Variants in HPSE observed in about 807,000 individuals in gnomAD.
The protein encoded by HPSE is endo-glucoronidase.
HPSE carries 48 observed loss-of-function variants against 65.1 expected under a neutral mutation model. That is an observed-to-expected ratio of 0.74 (90% CI 0.58 to 0.94). HPSE has a LOEUF of 0.94. Ranked by LOEUF, HPSE falls within the 40% of genes least tolerant of loss-of-function variation. The pLI, the probability that HPSE is intolerant of heterozygous loss-of-function variation, is 0.00. For synonymous variants in HPSE, 243 were observed against 260.0 expected (o/e 0.93, Z 0.63); for missense variants, 644 against 637.5 (o/e 1.01, Z -0.11).
chr4:83,293,470 G>A lies in HPSE; in HGVS notation c.*1874C>T, dbSNP rs1358510066. ...AGAGCTGGGAAGAACCCAGATCCCT[G>A]GTGACGTACTGAAGTGCTGGAGCCT... is the stretch of plus-strand genomic sequence containing the variant. On this transcript the variant is annotated 3_prime_UTR_variant, in exon 12 of 12. Transcript: ENST00000311412. 6.6e-6 allele frequency: 1 copy of A among 152,194 alleles called. No individual in the cohort carries two copies. Among genetic ancestry groups the A allele is most frequent in the East Asian group, 1.9e-4 (1 of 5,204 alleles). The allele number at this position is 152,194 out of a possible 1,614,324, so 9.4% of individuals were successfully genotyped here. A position where few individuals can be genotyped will look rare whatever the true frequency, so the allele number is the denominator to read the frequency against.
intron 4 of HPSE, among the ~76,000 whole-genome samples, chr4:83,311,187 T>C (rs1578012826): frequency 6.6e-6 from 1 of 151,748 alleles, no homozygotes; most frequent in Non-Finnish European, 1.5e-5. Context: ...TGCATGCCTG[T>C]AGTCTCAGCT....
At chr4:83,300,814 C>CAAA (rs746396316) in intron 11 of HPSE, 146 bp downstream of exon 11, 101 of 8,422 alleles carry the variant, frequency 0.012, 27 homozygotes, top group African/African-American at 0.017. Flanking sequence ...GACTCCGTCT[C>CAAA]AAAAAAAAAA....
intron 1 of HPSE, among the ~76,000 whole-genome samples, chr4:83,329,771 A>G (rs985316162): frequency 4.6e-5 from 7 of 152,182 alleles, no homozygotes; most frequent in African/African-American, 1.7e-4. Flanking sequence ...GAGACAGTTT[A>G]TCTAGGTGAC....
At chr4:83,299,618 C>T (rs1292088661) in intron 11 of HPSE, among the ~76,000 whole-genome samples, 1 of 151,990 alleles carries the variant, frequency 6.6e-6, no homozygotes, top group Admixed American at 6.6e-5. Flanking sequence ...CCTCAGGTTC[C>T]GAGGCTAATA....
chr4:83,334,788 G>C lies in HPSE; in HGVS notation c.-6C>G. On this transcript the variant is annotated 5_prime_UTR_variant, in exon 1 of 12. Transcript: ENST00000311412. ...GGCTTCGAGCGCAGCAGCATCTTGG[G>C]CTCACCTGGCTGCTCCCCCCGCCAG... The C allele has an allele frequency of 6.6e-7, 1 of 1,517,854 alleles. No homozygotes were observed. Among genetic ancestry groups the C allele is most frequent in the Non-Finnish European group, 8.8e-7 (1 of 1,131,438 alleles). 94.0% of individuals were successfully genotyped at this position (1,517,854 alleles called of 1,614,324 possible). A position where few individuals can be genotyped will look rare whatever the true frequency, so the allele number is the denominator to read the frequency against.
At chr4:83,325,249 T>C (rs1370518928) in intron 1 of HPSE, among the ~76,000 whole-genome samples, 1 of 151,614 alleles carries the variant, frequency 6.6e-6, no homozygotes, top group African/African-American at 2.4e-5. Context: ...CACTGCCACC[T>C]CTGCCTCCTG....
intron 3 of HPSE, among the ~76,000 whole-genome samples, chr4:83,313,509 T>G (rs867199729): frequency 1.1e-4 from 16 of 152,296 alleles, no homozygotes; most frequent in Middle Eastern, 6.8e-3. Context: ...CCATGGAAGA[T>G]ACCAGAAGCT....
chr4:83,329,198 G>A (rs754864835), intron 1 of HPSE, among the ~76,000 whole-genome samples: 3 of 152,084 alleles, frequency 2.0e-5, no homozygotes, highest in Non-Finnish European at 2.9e-5. Context: ...CCCTCCTCCC[G>A]CAAGAGCTCA....
intron 1 of HPSE, among the ~76,000 whole-genome samples, chr4:83,325,267 G>A (rs1737104203): frequency 6.6e-6 from 1 of 151,732 alleles, no homozygotes; most frequent in East Asian, 1.9e-4. Context: ...CTGGGTTCAA[G>A]CGATTCTCTT....
rs1737555585 is a variant in HPSE, at chr4:83,334,825, CG to C, written c.-44del. 3.4e-6 allele frequency: 5 copies of C among 1,476,820 alleles called. No homozygotes were observed. The highest frequency in any genetic ancestry group is 2.7e-6 in the Non-Finnish European group (3 of 1,115,878). The allele number at this position is 1,476,820 out of a possible 1,614,324, so 91.5% of individuals were successfully genotyped here. On this transcript the variant is annotated 5_prime_UTR_variant, in exon 1 of 12. Coordinates refer to ENST00000311412, the MANE Select transcript of HPSE (RefSeq NM_001098540.3). ...GCTCCCCCCGCCAGCTGCCGCGCAG[CG>C]GAGAGTCGAGAGCTCTAGCACTTCC...
Position 83,326,454 on chromosome 4 carries a change from C to G in HPSE, c.228-4090G>C, listed in dbSNP as rs1737159913. ...GTAATATCATTTGCTGGATGAGGAACAGGTGATAGACTGAAGATGGGGAGG... is the reference window on the plus strand; with the variant it reads ...GTAATATCATTTGCTGGATGAGGAAGAGGTGATAGACTGAAGATGGGGAGG... On this transcript the variant is annotated intron_variant, in intron 1 of 11. Coordinates refer to ENST00000311412, the MANE Select transcript of HPSE (RefSeq NM_001098540.3). This position sits in a 1 kb window ranked among gnomAD's most constrained non-coding sequence, Gnocchi z 4.2. Among the ~76,000 whole-genome samples the G allele has an allele frequency of 6.6e-6, 1 of 152,108 alleles. No homozygotes were observed. The highest frequency in any genetic ancestry group is 1.5e-5 in the Non-Finnish European group (1 of 67,998).
At position 83,319,244 on chromosome 4, in the gene HPSE, T is replaced by G. The variant is rs561818280; in HGVS notation, c.499+100A>C. The G allele has an allele frequency of 5.0e-6, 6 of 1,201,410 alleles. No individual in the cohort carries two copies. In the Admixed American group the frequency reaches 1.1e-4, roughly 22 times the overall value. 74.4% of individuals were successfully genotyped at this position (1,201,410 alleles called of 1,614,324 possible). A position where few individuals can be genotyped will look rare whatever the true frequency, so the allele number is the denominator to read the frequency against. ...GGGAAATGCTTCAGTATTTTCAGCTTTATACAACTTCCGTAGGACTTGCTA... is the reference window on the plus strand; with the variant it reads ...GGGAAATGCTTCAGTATTTTCAGCTGTATACAACTTCCGTAGGACTTGCTA... On this transcript the variant is annotated intron_variant, in intron 3 of 11. Coordinates refer to ENST00000311412, the MANE Select transcript of HPSE (RefSeq NM_001098540.3).
At chr4:83,313,081 C>T in intron 4 of HPSE, 33 bp downstream of exon 4, 1 of 1,384,242 alleles carries the variant, frequency 7.2e-7, no homozygotes, top group Non-Finnish European at 1.0e-6. Context: ...TGGGGGATCT[C>T]CTTATTAATG....
rs1285460962 is a variant in HPSE at position 83,293,962 on chromosome 4, T to C, written c.*1382A>G. 6.6e-6 allele frequency: 1 copy of C among 152,258 alleles called. No homozygotes were observed. Among genetic ancestry groups the C allele is most frequent in the African/African-American group, 2.4e-5 (1 of 41,470 alleles). The allele number at this position is 152,258 out of a possible 1,614,324, so 9.4% of individuals were successfully genotyped here. On this transcript the variant is annotated 3_prime_UTR_variant, in exon 12 of 12. Coordinates refer to ENST00000311412, the MANE Select transcript of HPSE (RefSeq NM_001098540.3). ...TGAAGGAAAGAATTCTAAAATCTTCTAATACATTTTGAAAGATAAATATAC... is the reference window on the plus strand; with the variant it reads ...TGAAGGAAAGAATTCTAAAATCTTCCAATACATTTTGAAAGATAAATATAC...
At chr4:83,299,865 T>C (rs1242542445) in intron 11 of HPSE, among the ~76,000 whole-genome samples, 1 of 151,962 alleles carries the variant, frequency 6.6e-6, no homozygotes, top group African/African-American at 2.4e-5. Flanking sequence ...CCACCACGCC[T>C]GGCTAATTTT....
chr4:83,302,342 C>T, intron 9 of HPSE, 74 bp from the exon 10 acceptor site: 1 of 877,792 alleles, frequency 1.1e-6, no homozygotes, highest in East Asian at 2.5e-5. Flanking sequence ...AAACCAGTGG[C>T]AAGCAAATAG....
At chr4:83,321,134 G>A (rs1314897269) in intron 2 of HPSE, among the ~76,000 whole-genome samples, 6 of 151,892 alleles carry the variant, frequency 4.0e-5, no homozygotes, top group African/African-American at 9.7e-5. Flanking sequence ...AGAGGTCAAG[G>A]CTGCAGTGGG....
At chr4:83,323,581 G>A (rs76017358) in intron 1 of HPSE, among the ~76,000 whole-genome samples, 3,511 of 152,186 alleles carry the variant, frequency 0.023, 104 homozygotes, top group African/African-American at 0.081. Flanking sequence ...TCTTTCCAGA[G>A]AAGTTTATAA....
intron 11 of HPSE, among the ~76,000 whole-genome samples, chr4:83,300,567 C>CTTGATATAGTTG (rs1380348924): frequency 3.1e-4 from 13 of 42,570 alleles, no homozygotes; most frequent in Admixed American, 5.4e-4. Flanking sequence ...AGAATTATTA[C>CTTGATATAGTTG]ACTTTGGGAG....
Sources: gnomAD v4.1 joint callset for allele counts (sites outside exome capture counted in the v4.1 genomes callset) on GRCh38, gnomAD v4.1.1 for gene constraint, Gnocchi (gnomAD v3.1) non-coding constraint, MANE v1.5 for transcripts, NCBI Gene and HGNC (gene_info 2026-07-23, HGNC 2026-07-21) for gene names.